GSE1: variants seen among roughly 807,000 people sequenced by gnomAD.
GSE1 encodes the protein Gse1 coiled-coil protein, also known as genetic suppressor element 1.
A neutral mutation model predicts 112.6 loss-of-function variants in GSE1; 32 were observed. The observed-to-expected ratio is 0.28, with a 90% confidence interval of 0.21 to 0.38. The LOEUF (loss-of-function observed/expected upper bound fraction) is 0.38. Ranked by LOEUF, GSE1 falls within the 10% of genes least tolerant of loss-of-function variation. The probability of loss-of-function intolerance (pLI) is 1.00; values close to 1 mark genes in which losing one functional copy is unlikely to be tolerated. For synonymous variants in GSE1, 1,115 were observed against 735.6 expected, an observed-to-expected ratio of 1.52 and a Z score of -8.35; for missense variants, 2,348 against 1,699.2, an observed-to-expected ratio of 1.38 and a Z score of -6.71.
At chr16:85,368,171 GGTGCGC>G (rs2047225544) in intron 2 of GSE1, among the ~76,000 whole-genome samples, 1 of 152,102 alleles carries the variant, frequency 6.6e-6, no homozygotes, top group South Asian at 2.1e-4. Context: ...AAGCACGGAG[GGTGCGC>G]GTCTTCCCGA....
At chr16:85,193,430 C>G (rs1457835859) in intron 1 of GSE1, among the ~76,000 whole-genome samples, 2 of 151,888 alleles carry the variant, frequency 1.3e-5, no homozygotes, top group African/African-American at 4.8e-5. Flanking sequence ...AAGCTTTGAA[C>G]TCCTGGGCTC....
chr16:85,292,025 G>A (rs551609726), intron 1 of GSE1, among the ~76,000 whole-genome samples: 50 of 152,314 alleles, frequency 3.3e-4, no homozygotes, highest in African/African-American at 1.2e-3. Flanking sequence ...AGCATGGGAG[G>A]TGCCGCCCCC....
intron 1 of GSE1, among the ~76,000 whole-genome samples, chr16:85,262,602 G>A (rs1465048263): frequency 3.3e-5 from 5 of 152,232 alleles, no homozygotes; most frequent in Admixed American, 2.0e-4. Flanking sequence ...GGAGAAGGAC[G>A]CAAGGCCAGA....
chr16:85,565,808 G>T (rs1053313232), intron 1 of GSE1, among the ~76,000 whole-genome samples: 2 of 152,224 alleles, frequency 1.3e-5, no homozygotes, highest in Admixed American at 6.5e-5. Context: ...GAAGAAGCAG[G>T]AGGGACCCTG....
chr16:85,201,005 C>T (rs934544697), intron 1 of GSE1, among the ~76,000 whole-genome samples: 6 of 152,246 alleles, frequency 3.9e-5, no homozygotes, highest in East Asian at 1.9e-4. Context: ...TAGAACAGAA[C>T]GAAGCAGTAT....
chr16:85,265,801 G>C (rs1053857748), intron 1 of GSE1, among the ~76,000 whole-genome samples: 1 of 152,174 alleles, frequency 6.6e-6, no homozygotes, highest in Non-Finnish European at 1.5e-5. Context: ...GTCCAGGCTT[G>C]TGTGACGTAG....
In GSE1 at chr16:85,566,606, G is replaced by A. The variant is rs372112742; in HGVS notation, c.37+10243G>A. 2.0e-4 allele frequency among the ~76,000 whole-genome samples: 30 copies of A among 152,292 alleles called. No homozygotes were observed. In the South Asian group the frequency reaches 5.4e-3, roughly 27 times the overall value. ...CAGTGTCACCCTTAGTGAGTGACAG[G>A]CCCACAGCCAGTGCCCCGAGGCCGA... On this transcript the variant is annotated intron_variant, in intron 1 of 2. Coordinates refer to the GSE1 transcript ENST00000635906.
intron 2 of GSE1, among the ~76,000 whole-genome samples, chr16:85,635,861 A>G (rs1022667677): frequency 1.3e-5 from 2 of 152,208 alleles, no homozygotes; most frequent in African/African-American, 4.8e-5. Flanking sequence ...CTCCTCGCCA[A>G]GGAAGGTGGT....
intron 2 of GSE1, among the ~76,000 whole-genome samples, chr16:85,378,162 TGAG>T (rs1215418990): frequency 6.6e-6 from 1 of 152,128 alleles, no homozygotes; most frequent in African/African-American, 2.4e-5. Flanking sequence ...GGGGCAGGGC[TGAG>T]GAGGGCAGTG....
At chr16:85,604,911 G>A (rs1453463888) in intron 1 of GSE1, among the ~76,000 whole-genome samples, 8 of 113,512 alleles carry the variant, frequency 7.0e-5, no homozygotes, top group African/African-American at 1.4e-4. Context: ...TCCGCCTCCC[G>A]GGTTCACGCC....
Position 85,654,446 on chromosome 16 carries a change from C to G in GSE1, c.595C>G (p.Leu199Val). The G allele has an allele frequency of 1.3e-6, 2 of 1,566,904 alleles. No homozygotes were observed. Among genetic ancestry groups the G allele is most frequent in the Non-Finnish European group, 1.7e-6 (2 of 1,154,966 alleles). ...TGTGCAGGATTCCCGCTTCCCGCCA[C>G]TCAAGTAAGTTGGTCGGCGGGGACT... ...SVVQDSRFPPLNLQRPVHHVV... is the reference protein window; with the variant it reads ...SVVQDSRFPPVNLQRPVHHVV... Residue 199 changes from leucine to valine, a missense_variant, in exon 4 of 16, where the codon CTC (leucine) becomes GTC (valine). Coordinates refer to ENST00000253458, the MANE Select transcript of GSE1 (RefSeq NM_014615.5).
chr16:85,487,868 C>T (rs761386289), intron 2 of GSE1, among the ~76,000 whole-genome samples: 11 of 152,204 alleles, frequency 7.2e-5, no homozygotes, highest in African/African-American at 2.4e-4. Flanking sequence ...CCCTCAAGGC[C>T]GTGGCTCCTG....
intron 1 of GSE1, among the ~76,000 whole-genome samples, chr16:85,235,054 G>C (rs1466409969): frequency 6.6e-6 from 1 of 151,268 alleles, no homozygotes; most frequent in Non-Finnish European, 1.5e-5. Flanking sequence ...GACATCTGTA[G>C]ATGGGGGCGG....
intron 2 of GSE1, among the ~76,000 whole-genome samples, chr16:85,517,669 C>T (rs1467878302): frequency 6.6e-6 from 1 of 152,218 alleles, no homozygotes; most frequent in Non-Finnish European, 1.5e-5. Context: ...TTCTCCTTTT[C>T]TTTTCTCGTT....
chr16:85,434,104 G>A (rs2151765485), intron 2 of GSE1, among the ~76,000 whole-genome samples: 1 of 152,274 alleles, frequency 6.6e-6, no homozygotes, highest in Middle Eastern at 3.4e-3. Flanking sequence ...CTGAAGGACT[G>A]TGGCCCAACT....
At chr16:85,255,435 G>A (rs373853727) in intron 1 of GSE1, among the ~76,000 whole-genome samples, 5 of 148,366 alleles carry the variant, frequency 3.4e-5, no homozygotes, top group South Asian at 2.1e-4. Flanking sequence ...TTTTTGAGAC[G>A]GAGTCTTGCT....
At chr16:85,635,508 CT>C (rs1567690032) in intron 2 of GSE1, among the ~76,000 whole-genome samples, 2 of 75,258 alleles carry the variant, frequency 2.7e-5, no homozygotes, top group Admixed American at 1.1e-4. Context: ...ATCCTGGACT[CT>C]CTGGGGCGGT....
intron 2 of GSE1, among the ~76,000 whole-genome samples, chr16:85,508,404 G>C (rs2051615023): frequency 6.6e-6 from 1 of 152,192 alleles, no homozygotes; most frequent in Non-Finnish European, 1.5e-5. Flanking sequence ...CCTAGCCCCT[G>C]CTCTGTTTCC....
intron 3 of GSE1, among the ~76,000 whole-genome samples, chr16:85,652,044 C>G (rs772715000): frequency 6.6e-6 from 1 of 152,232 alleles, no homozygotes; most frequent in Non-Finnish European, 1.5e-5. Context: ...AATAGCCTCA[C>G]GGGGCTGGGG....
Sources: allele counts gnomAD v4.1 joint callset (sites outside exome capture counted in the v4.1 genomes callset), GRCh38; gene constraint gnomAD v4.1.1; transcripts MANE v1.5; gene names NCBI Gene and HGNC (gene_info 2026-07-23, HGNC 2026-07-21).